The following FBXO32 variants were observed in gnomAD, a reference collection of about 807,000 sequenced individuals.
The protein encoded by FBXO32 is F-box protein 32.
Under a neutral mutation model 48.3 loss-of-function variants are expected in FBXO32, and 15 were observed. That is an observed-to-expected ratio of 0.31 (90% CI 0.21 to 0.48). The LOEUF is 0.48. Among genes scored for constraint, FBXO32 ranks in the 20% least tolerant of loss-of-function variants. FBXO32 has a pLI of 0.99. For synonymous variants in FBXO32, 154 were observed against 165.9 expected, an observed-to-expected ratio of 0.93 and a Z score of 0.55; for missense variants, 309 against 432.7, an observed-to-expected ratio of 0.71 and a Z score of 2.54.
At position 123,501,384 on chromosome 8, in the gene FBXO32, C is replaced by CAAAAAAAAA. The variant is rs754077503; in HGVS notation, c.*1988_*1989insTTTTTTTTT. ...ATTGCAAAAAAAAAACAAAAAAAAA[C>CAAAAAAAAA]AAAACAAAACACACACCTTAGATAG... On this transcript the variant is annotated 3_prime_UTR_variant, in exon 9 of 9. Coordinates refer to ENST00000517956, the MANE Select transcript of FBXO32 (RefSeq NM_058229.4). 5 of 148,570 alleles carry CAAAAAAAAA rather than the reference C, an allele frequency of 3.4e-5. No homozygotes were observed. The highest frequency in any genetic ancestry group is 2.7e-4 in the Admixed American group (4 of 14,954). The allele number at this position is 148,570 out of a possible 1,614,324, so 9.2% of individuals were successfully genotyped here.
intron 1 of FBXO32, among the ~76,000 whole-genome samples, chr8:123,537,568 C>T (rs1377909949): frequency 2.0e-5 from 3 of 152,076 alleles, no homozygotes; most frequent in Non-Finnish European, 4.4e-5. Context: ...AAAGCTGTGA[C>T]GTGCCCCCAG....
At chr8:123,511,311 C>T (rs886942336) in intron 6 of FBXO32, among the ~76,000 whole-genome samples, 1 of 152,056 alleles carries the variant, frequency 6.6e-6, no homozygotes, top group Non-Finnish European at 1.5e-5. Context: ...ACAACAGCTA[C>T]AATAGCTAGC....
chr8:123,534,278 A>G (rs1256364145), intron 2 of FBXO32, among the ~76,000 whole-genome samples: 1 of 152,188 alleles, frequency 6.6e-6, no homozygotes, highest in Non-Finnish European at 1.5e-5. Flanking sequence ...ATACCACTTT[A>G]TATTCTCTGC....
intron 2 of FBXO32, among the ~76,000 whole-genome samples, chr8:123,533,583 G>A (rs569489025): frequency 6.6e-6 from 1 of 152,264 alleles, no homozygotes; most frequent in East Asian, 1.9e-4. Context: ...TGAGGCAGGC[G>A]GATCACTAGA....
chr8:123,528,598 T>G (rs1467152614), intron 4 of FBXO32, among the ~76,000 whole-genome samples: 2 of 152,212 alleles, frequency 1.3e-5, no homozygotes, highest in Non-Finnish European at 2.9e-5. Context: ...TTGTAGCCAG[T>G]GAAAATGATG....
chr8:123,510,422 G>A (rs1251783158), intron 6 of FBXO32, among the ~76,000 whole-genome samples: 2 of 152,204 alleles, frequency 1.3e-5, no homozygotes, highest in South Asian at 2.1e-4. Flanking sequence ...GACCAGCCTG[G>A]CCAACATGGT....
intron 1 of FBXO32, among the ~76,000 whole-genome samples, chr8:123,539,554 C>T (rs1817372397): frequency 6.6e-6 from 1 of 152,178 alleles, no homozygotes; most frequent in Admixed American, 6.5e-5. Flanking sequence ...TGGTTATATG[C>T]TGGTGGTTAA....
At position 123,501,848 on chromosome 8, in the gene FBXO32, A is replaced by G. The variant is rs145398858; in HGVS notation, c.*1525T>C. 2.6e-5 allele frequency: 4 copies of G among 152,224 alleles called. No homozygotes were observed. Among genetic ancestry groups the G allele is most frequent in the African/African-American group, 9.6e-5 (4 of 41,460 alleles). 9.4% of individuals were successfully genotyped at this position (152,224 alleles called of 1,614,324 possible). The stretch of plus-strand genomic sequence containing the variant: ...GGGTGACAAGTTTATTTGGAAAAAA[A>G]AAAAGCATATACAACTGCAAATATA... On this transcript the variant is annotated 3_prime_UTR_variant, in exon 9 of 9. Transcript: ENST00000517956.
chr8:123,510,083 A>T (rs1416101843), intron 6 of FBXO32, among the ~76,000 whole-genome samples: 4 of 152,220 alleles, frequency 2.6e-5, no homozygotes, highest in African/African-American at 9.7e-5. Flanking sequence ...ACAATTCTTC[A>T]CTAGGTGAGT....
At chr8:123,532,126 G>C in intron 3 of FBXO32, 136 bp from the exon 4 acceptor site, 3 of 1,455,838 alleles carry the variant, frequency 2.1e-6, no homozygotes, top group Non-Finnish European at 2.7e-6. Flanking sequence ...CTGGGGCACT[G>C]GCTTCTTTCC....
In FBXO32 at chr8:123,502,063, C is replaced by G. The variant is rs953939330; in HGVS notation, c.*1310G>C. ...ATCTTCCTGTTTTAACTACCCAGCC[C>G]GGAAGCAAGTTTAAGATGAACTTGT... On this transcript the variant is annotated 3_prime_UTR_variant, in exon 9 of 9. Transcript: ENST00000517956. 6.6e-6 allele frequency: 1 copy of G among 152,086 alleles called. No individual in the cohort carries two copies. The highest frequency in any genetic ancestry group is 1.5e-5 in the Non-Finnish European group (1 of 68,022). The allele number at this position is 152,086 out of a possible 1,614,324, so 9.4% of individuals were successfully genotyped here.
At chr8:123,539,222 T>C (rs1204569180) in intron 1 of FBXO32, among the ~76,000 whole-genome samples, 1 of 152,166 alleles carries the variant, frequency 6.6e-6, no homozygotes, top group Non-Finnish European at 1.5e-5. Flanking sequence ...TGCAATTATA[T>C]TTGGGTGAGC....
Position 123,513,642 on chromosome 8 carries a change from G to T in FBXO32, c.467-260C>A, listed in dbSNP as rs1429678389. ...TATAAAGCCTCTTTCTCTTTTCATT[G>T]TTCTCCCAGCAGCCATGGTTCACCT... On this transcript the variant is annotated intron_variant, in intron 5 of 8. Transcript: ENST00000517956. The surrounding 1 kb of genome is among the most constrained non-coding windows in gnomAD (Gnocchi z 4.3). 3.3e-5 allele frequency among the ~76,000 whole-genome samples: 5 copies of T among 151,894 alleles called. No individual in the cohort carries two copies. Among genetic ancestry groups the T allele is most frequent in the Non-Finnish European group, 7.4e-5 (5 of 67,974 alleles).
rs974359975 is a variant in FBXO32 at position 123,525,657 on chromosome 8, G to A, written c.372+6241C>T. Among the ~76,000 whole-genome samples, 4 of 152,308 alleles carry A rather than the reference G, an allele frequency of 2.6e-5. No individual in the cohort carries two copies. The South Asian group carries it at 8.3e-4, about 32-fold the overall frequency. On this transcript the variant is annotated intron_variant, in intron 4 of 8. Coordinates refer to ENST00000517956, the MANE Select transcript of FBXO32 (RefSeq NM_058229.4). This position sits in a 1 kb window ranked among gnomAD's most constrained non-coding sequence, Gnocchi z 4.3. ...AGTCGGAGAACCAGGCTTAGGTCCT[G>A]CCTTTATTCCACGTCCCTTCCTGGG...
intron 4 of FBXO32, among the ~76,000 whole-genome samples, chr8:123,530,705 C>T (rs1349554247): frequency 6.6e-6 from 1 of 151,972 alleles, no homozygotes; most frequent in Non-Finnish European, 1.5e-5. Flanking sequence ...ACCTCCGCCT[C>T]CTGGATTCAA....
chr8:123,524,814 G>A (rs184802628), intron 4 of FBXO32, among the ~76,000 whole-genome samples: 12 of 152,296 alleles, frequency 7.9e-5, no homozygotes, highest in African/African-American at 1.7e-4. Flanking sequence ...CACCACGCCC[G>A]GCTCTGTGCA....
chr8:123,503,555 T>C lies in FBXO32; in HGVS notation c.979-93A>G, dbSNP rs563779824. ...CATTTTCCAACTTCAAAGCAACAAT[T>C]CTCTGTCAATAATGCCCCAGGCCTA... On this transcript the variant is annotated intron_variant, in intron 8 of 8. Transcript: ENST00000517956. 2.6e-5 allele frequency: 23 copies of C among 880,586 alleles called. No homozygotes were observed. The African/African-American group carries it at 3.5e-4, about 13-fold the overall frequency. The allele number at this position is 880,586 out of a possible 1,614,324, so 54.5% of individuals were successfully genotyped here.
In FBXO32 at chr8:123,541,138, C is replaced by G; in HGVS notation, c.-124G>C. ...GACGGGGGCGGCGGGGCGGCGGGAA[C>G]GGCGCGGGGCACCCTGCGGGGTGGC... On this transcript the variant is annotated 5_prime_UTR_variant, in exon 1 of 9. Transcript: ENST00000517956. 1 of 469,294 alleles carries G rather than the reference C, an allele frequency of 2.1e-6. No homozygotes were observed. Among genetic ancestry groups the G allele is most frequent in the Non-Finnish European group, 3.5e-6 (1 of 285,716 alleles). 29.1% of individuals were successfully genotyped at this position (469,294 alleles called of 1,614,324 possible). A position where few individuals can be genotyped will look rare whatever the true frequency, so the allele number is the denominator to read the frequency against.
intron 6 of FBXO32, among the ~76,000 whole-genome samples, chr8:123,509,388 T>G (rs1816693295): frequency 6.6e-6 from 1 of 152,164 alleles, no homozygotes; most frequent in African/African-American, 2.4e-5. Flanking sequence ...CAATTTCTCT[T>G]TCCTCTGCAG....
Sources: gnomAD v4.1 joint callset for allele counts (sites outside exome capture counted in the v4.1 genomes callset) on GRCh38, gnomAD v4.1.1 for gene constraint, Gnocchi (gnomAD v3.1) non-coding constraint, MANE v1.5 for transcripts, NCBI Gene and HGNC (gene_info 2026-07-23, HGNC 2026-07-21) for gene names.